RAB3C: variants seen among roughly 807,000 people sequenced by gnomAD.
The protein encoded by RAB3C is ras-related protein Rab-3C.
RAB3C carries 17 observed loss-of-function variants against 26.4 expected under a neutral mutation model. The ratio of observed to expected loss-of-function variants is 0.64; its 90% confidence interval spans 0.44 to 0.97. RAB3C has a LOEUF of 0.97. Ranked by LOEUF, RAB3C falls within the 50% of genes least tolerant of loss-of-function variation. RAB3C has a pLI of 0.00. For missense variants in RAB3C, 242 were observed against 281.9 expected, an observed-to-expected ratio of 0.86 and a Z score of 1.01; for synonymous variants, 91 against 95.9, an observed-to-expected ratio of 0.95 and a Z score of 0.30.
intron 1 of RAB3C, among the ~76,000 whole-genome samples, chr5:58,596,117 G>T (rs1030829907): frequency 6.6e-6 from 1 of 152,014 alleles, no homozygotes; most frequent in Non-Finnish European, 1.5e-5. Flanking sequence ...CACCTAGCTG[G>T]CTGGTTTTAG....
chr5:58,582,853 C>A (rs1013103946), upstream of RAB3C, among the ~76,000 whole-genome samples: 1 of 152,198 alleles, frequency 6.6e-6, no homozygotes, highest in Non-Finnish European at 1.5e-5. Flanking sequence ...GCAGGGGAGA[C>A]TGGGAGAGGT....
At position 58,857,759 on chromosome 5, in the gene RAB3C, A is replaced by G. The variant is rs1744296782; in HGVS notation, c.*6408A>G. The G allele has an allele frequency of 6.6e-6, 1 of 152,196 alleles. No homozygotes were observed. The highest frequency in any genetic ancestry group is 2.1e-4 in the South Asian group (1 of 4,830). The allele number at this position is 152,196 out of a possible 1,614,324, so 9.4% of individuals were successfully genotyped here. On this transcript the variant is annotated 3_prime_UTR_variant, in exon 5 of 5. Coordinates refer to ENST00000282878, the MANE Select transcript of RAB3C (RefSeq NM_138453.4). ...GAGGAACAAATCAGAATCATTAAAT[A>G]CTTTGTAATGCCATCATAAACTCAT...
chr5:58,615,109 C>T (rs959595264), intron 1 of RAB3C, among the ~76,000 whole-genome samples: 1 of 152,064 alleles, frequency 6.6e-6, no homozygotes, highest in Non-Finnish European at 1.5e-5. Context: ...TATGTTTCTT[C>T]AGGTTTTGAA....
At chr5:58,825,009 T>C (rs201345972) in intron 3 of RAB3C, 29 bp from the exon 4 acceptor site, 17 of 1,536,766 alleles carry the variant, frequency 1.1e-5, no homozygotes, top group Non-Finnish European at 1.4e-5. Context: ...TTTCCTCTGA[T>C]TGTGTCATGC....
chr5:58,603,367 A>G lies in RAB3C; in HGVS notation c.25-14276A>G, dbSNP rs145117973. ...GTATTTGAATGTCTAGATCTCTAGCAAGGCTGGGGAAGTTTTCCTCAATTA... is the reference window on the plus strand; with the variant it reads ...GTATTTGAATGTCTAGATCTCTAGCGAGGCTGGGGAAGTTTTCCTCAATTA... On this transcript the variant is annotated intron_variant, in intron 1 of 4. Transcript: ENST00000282878. Among the ~76,000 whole-genome samples, 475 of 152,290 alleles carry G rather than the reference A, an allele frequency of 3.1e-3. 1 individual carries two copies. The highest frequency in any genetic ancestry group is 0.011 in the African/African-American group (446 of 41,570).
chr5:58,767,098 G>A (rs963447353), intron 3 of RAB3C, among the ~76,000 whole-genome samples: 13 of 152,150 alleles, frequency 8.5e-5, no homozygotes, highest in Non-Finnish European at 1.5e-5. Context: ...AGTACATGTG[G>A]TCTGGCACCC....
Position 58,856,820 on chromosome 5 carries a change from T to G in RAB3C, c.*5469T>G, listed in dbSNP as rs1374098868. 4 of 152,170 alleles carry G rather than the reference T, an allele frequency of 2.6e-5. No individual in the cohort carries two copies. The highest frequency in any genetic ancestry group is 9.7e-5 in the African/African-American group (4 of 41,432). 9.4% of individuals were successfully genotyped at this position (152,170 alleles called of 1,614,324 possible). On this transcript the variant is annotated 3_prime_UTR_variant, in exon 5 of 5. Transcript: ENST00000282878. ...AGTGGTTCCATACTTCTTGTAAAAGTAAAGTTTGGGTATTGTTTGCTGTAT... is the reference window on the plus strand; with the variant it reads ...AGTGGTTCCATACTTCTTGTAAAAGGAAAGTTTGGGTATTGTTTGCTGTAT...
Position 58,858,268 on chromosome 5 carries a change from A to C in RAB3C, c.*6917A>C, listed in dbSNP as rs1179240491. 6.6e-6 allele frequency: 1 copy of C among 152,200 alleles called. No individual in the cohort carries two copies. Among genetic ancestry groups the C allele is most frequent in the African/African-American group, 2.4e-5 (1 of 41,448 alleles). The allele number at this position is 152,200 out of a possible 1,614,324, so 9.4% of individuals were successfully genotyped here. ...CTTAGCTCTCAAAATCCACTGAAGA[A>C]GTCAAGTGAAGGTGGGTAAAATAGG... is the stretch of plus-strand genomic sequence containing the variant. On this transcript the variant is annotated 3_prime_UTR_variant, in exon 5 of 5. Coordinates refer to ENST00000282878, the MANE Select transcript of RAB3C (RefSeq NM_138453.4).
In RAB3C at chr5:58,593,311, G is replaced by A. The variant is rs541191735; in HGVS notation, c.24+10079G>A. Among the ~76,000 whole-genome samples, 4 of 152,146 alleles carry A rather than the reference G, an allele frequency of 2.6e-5. No individual in the cohort carries two copies. The East Asian group carries it at 7.7e-4, about 29-fold the overall frequency. ...AGACAGATATTAACTCTTGGGATGA[G>A]GTACTTGAGTATTGAAAGAGGTTAA... is the stretch of plus-strand genomic sequence containing the variant. On this transcript the variant is annotated intron_variant, in intron 1 of 4. Transcript: ENST00000282878.
intron 3 of RAB3C, among the ~76,000 whole-genome samples, chr5:58,795,143 T>C (rs1023682461): frequency 6.6e-6 from 1 of 151,800 alleles, no homozygotes; most frequent in Non-Finnish European, 1.5e-5. Flanking sequence ...TAAAGGGGAG[T>C]TCCCCTACAC....
intron 3 of RAB3C, among the ~76,000 whole-genome samples, chr5:58,738,224 C>T (rs1303104952): frequency 6.6e-6 from 1 of 151,898 alleles, no homozygotes; most frequent in Non-Finnish European, 1.5e-5. Flanking sequence ...TGGCTTGTCT[C>T]AATAAATTCC....
chr5:58,819,691 A>G (rs1307298706), intron 3 of RAB3C, among the ~76,000 whole-genome samples: 2 of 150,408 alleles, frequency 1.3e-5, no homozygotes, highest in African/African-American at 2.4e-5. Flanking sequence ...CCTAGCCAAC[A>G]TGGTGAAATC....
intron 4 of RAB3C, among the ~76,000 whole-genome samples, chr5:58,833,013 G>A (rs201808661): frequency 3.5e-4 from 39 of 110,964 alleles, no homozygotes; most frequent in South Asian, 1.7e-3. Flanking sequence ...CTATTTATTC[G>A]TACCTCAATT....
intron 3 of RAB3C, among the ~76,000 whole-genome samples, chr5:58,751,247 TA>T (rs1430982922): frequency 6.6e-6 from 1 of 152,256 alleles, no homozygotes; most frequent in Non-Finnish European, 1.5e-5. Context: ...GAATCATAGT[TA>T]TCGCAGTTGA....
At chr5:58,704,752 TTC>T (rs1316884916) in intron 2 of RAB3C, among the ~76,000 whole-genome samples, 1 of 152,168 alleles carries the variant, frequency 6.6e-6, no homozygotes, top group Non-Finnish European at 1.5e-5. Context: ...AGCTTTTTCT[TTC>T]TTTCTTTTTT....
intron 2 of RAB3C, among the ~76,000 whole-genome samples, chr5:58,630,587 ATC>A (rs1285675693): frequency 1.3e-5 from 2 of 152,228 alleles, no homozygotes; most frequent in Non-Finnish European, 2.9e-5. Flanking sequence ...GATTTTTCAT[ATC>A]TGTTTCCTTA....
intron 1 of RAB3C, among the ~76,000 whole-genome samples, chr5:58,585,700 A>G (rs1745995864): frequency 1.3e-5 from 2 of 152,208 alleles, no homozygotes; most frequent in Non-Finnish European, 2.9e-5. Context: ...AAATAAGTTG[A>G]TGTTCTGTTC....
At chr5:58,610,123 T>G (rs1746663929) in intron 1 of RAB3C, among the ~76,000 whole-genome samples, 1 of 152,030 alleles carries the variant, frequency 6.6e-6, no homozygotes, top group Non-Finnish European at 1.5e-5. Flanking sequence ...TAACTTGAAA[T>G]GTTTTCTTTC....
Position 58,741,239 on chromosome 5 carries a change from G to T in RAB3C, c.371+15119G>T, listed in dbSNP as rs74709542. Among the ~76,000 whole-genome samples the T allele has an allele frequency of 6.8e-3, 1,034 of 152,286 alleles. 7 individuals carry two copies. The highest frequency in any genetic ancestry group is 0.022 in the African/African-American group (908 of 41,548). On this transcript the variant is annotated intron_variant, in intron 3 of 4. Transcript: ENST00000282878. ...ACAATATGCATAGTATTGACAACGA[G>T]GGAAGTTTCCCCAAGCTCTAGTGTC...
Sources: allele counts gnomAD v4.1 joint callset (sites outside exome capture counted in the v4.1 genomes callset), GRCh38; gene constraint gnomAD v4.1.1; transcripts MANE v1.5; gene names NCBI Gene and HGNC (gene_info 2026-07-23, HGNC 2026-07-21).